The following SYT1 variants were observed in gnomAD, a reference collection of about 807,000 sequenced individuals.
SYT1 encodes synaptotagmin-1.
SYT1 carries 8 observed loss-of-function variants against 44.8 expected under a neutral mutation model. That is an observed-to-expected ratio of 0.18 (90% confidence interval 0.10 to 0.32). The LOEUF (loss-of-function observed/expected upper bound fraction) is 0.32, where lower values mean the gene tolerates loss of function less well. Ranked by LOEUF, SYT1 falls within the 10% of genes least tolerant of loss-of-function variation. The probability of loss-of-function intolerance (pLI) is 1.00; values close to 1 mark genes in which losing one functional copy is unlikely to be tolerated. For missense variants in SYT1, 286 were observed against 509.3 expected (o/e 0.56, Z 4.22); for synonymous variants, 154 against 188.8 (o/e 0.82, Z 1.51).
intron 9 of SYT1, among the ~76,000 whole-genome samples, chr12:79,433,797 T>C (rs1251804244): frequency 6.6e-6 from 1 of 152,182 alleles, no homozygotes; most frequent in Non-Finnish European, 1.5e-5. Context: ...ATGAAGAATT[T>C]CACCATAAAA....
chr12:79,248,663 A>G (rs984342030), intron 4 of SYT1, among the ~76,000 whole-genome samples: 3 of 152,220 alleles, frequency 2.0e-5, no homozygotes, highest in Non-Finnish European at 4.4e-5. Context: ...ATGAGAGTCA[A>G]GAGGAAATGG....
chr12:79,112,937 A>G (rs1249647607), intron 3 of SYT1, among the ~76,000 whole-genome samples: 2 of 152,132 alleles, frequency 1.3e-5, no homozygotes, highest in African/African-American at 4.8e-5. Flanking sequence ...CAGACAAAGG[A>G]AAGGCATATA....
intron 1 of SYT1, among the ~76,000 whole-genome samples, chr12:78,890,149 T>C (rs996069272): frequency 2.0e-5 from 3 of 151,986 alleles, no homozygotes; most frequent in African/African-American, 7.2e-5. Flanking sequence ...TTTTATTTCT[T>C]ACAATCTGTA....
At chr12:79,009,533 A>G (rs1468031839) in intron 2 of SYT1, among the ~76,000 whole-genome samples, 1 of 152,148 alleles carries the variant, frequency 6.6e-6, no homozygotes, top group Non-Finnish European at 1.5e-5. Context: ...ACCATGATAA[A>G]CACGTGTATG....
intron 3 of SYT1, among the ~76,000 whole-genome samples, chr12:79,124,189 A>G (rs978335117): frequency 6.6e-6 from 1 of 152,212 alleles, no homozygotes; most frequent in African/African-American, 2.4e-5. Flanking sequence ...TCTGCCCTAA[A>G]CATAGCCAGA....
chr12:79,184,956 C>G (rs1194644861), intron 3 of SYT1, among the ~76,000 whole-genome samples: 1 of 152,046 alleles, frequency 6.6e-6, no homozygotes, highest in Non-Finnish European at 1.5e-5. Flanking sequence ...CCCAGGATCT[C>G]TTTCCTGACA....
chr12:79,019,145 G>C (rs891413597), intron 2 of SYT1, among the ~76,000 whole-genome samples: 6 of 151,868 alleles, frequency 4.0e-5, no homozygotes, highest in African/African-American at 1.2e-4. Context: ...CTGTATCAAG[G>C]GGTCACAGAT....
At chr12:79,041,814 A>G (rs1332570050) in intron 2 of SYT1, among the ~76,000 whole-genome samples, 9 of 151,776 alleles carry the variant, frequency 5.9e-5, no homozygotes, top group Non-Finnish European at 1.2e-4. Flanking sequence ...TACCTAATTT[A>G]TTGAGAGTTT....
intron 3 of SYT1, chr12:79,103,017 C>T (rs1283484366): frequency 6.6e-6 from 1 of 152,158 alleles, no homozygotes; most frequent in Non-Finnish European, 1.5e-5. Flanking sequence ...TTTACAGATA[C>T]AGAAACTGAG....
intron 4 of SYT1, among the ~76,000 whole-genome samples, chr12:79,275,924 A>C (rs982408387): frequency 6.6e-6 from 1 of 152,210 alleles, no homozygotes; most frequent in Non-Finnish European, 1.5e-5. Flanking sequence ...AGCTACTACA[A>C]GCAGCATGTG....
chr12:78,958,454 G>A (rs936424386), intron 1 of SYT1, among the ~76,000 whole-genome samples: 10 of 152,050 alleles, frequency 6.6e-5, no homozygotes, highest in African/African-American at 2.4e-4. Context: ...CAGCACTTTG[G>A]GAGGCTGAGG....
intron 2 of SYT1, among the ~76,000 whole-genome samples, chr12:79,039,353 C>A (rs1192128128): frequency 6.6e-6 from 1 of 151,924 alleles, no homozygotes. Flanking sequence ...AAGTATCAAG[C>A]CTTGATAAGA....
chr12:79,442,290 C>T (rs1046524262), intron 9 of SYT1, among the ~76,000 whole-genome samples: 2 of 152,134 alleles, frequency 1.3e-5, no homozygotes, highest in Non-Finnish European at 2.9e-5. Flanking sequence ...GGTCTCTGAA[C>T]CAAAAATCAA....
intron 2 of SYT1, among the ~76,000 whole-genome samples, chr12:78,999,744 T>C (rs955411540): frequency 6.6e-6 from 1 of 152,122 alleles, no homozygotes; most frequent in Non-Finnish European, 1.5e-5. Context: ...AGTTAATATA[T>C]TCAATATTAG....
intron 1 of SYT1, among the ~76,000 whole-genome samples, chr12:78,894,326 ATCTG>A (rs1875223229): frequency 5.2e-5 from 1 of 19,294 alleles, no homozygotes; most frequent in Admixed American, 5.8e-4. Flanking sequence ...GTGTTTTTTA[ATCTG>A]TTTTTTTTTT....
At chr12:79,365,181 A>G (rs1203574238) in intron 9 of SYT1, among the ~76,000 whole-genome samples, 2 of 152,034 alleles carry the variant, frequency 1.3e-5, no homozygotes, top group Non-Finnish European at 2.9e-5. Context: ...AATTCTATAC[A>G]TATATATACA....
At chr12:79,223,532 C>T (rs1282903922) in intron 4 of SYT1, among the ~76,000 whole-genome samples, 1 of 152,206 alleles carries the variant, frequency 6.6e-6, no homozygotes, top group African/African-American at 2.4e-5. Flanking sequence ...CTGTGGCCAG[C>T]ATGGCACTTC....
At chr12:79,015,115 G>A (rs1198665938) in intron 2 of SYT1, among the ~76,000 whole-genome samples, 1 of 151,974 alleles carries the variant, frequency 6.6e-6, no homozygotes, top group Non-Finnish European at 1.5e-5. Flanking sequence ...AATGCTAAAT[G>A]ATGAGTTAAT....
At chr12:79,222,299 A>G (rs7300311) in intron 4 of SYT1, among the ~76,000 whole-genome samples, 106,699 of 151,662 alleles carry the variant, frequency 0.7, 37,973 homozygotes, top group African/African-American at 0.77. Context: ...TTAATTGGAG[A>G]CCTTTGATTT....
Sources: allele counts gnomAD v4.1 joint callset (sites outside exome capture counted in the v4.1 genomes callset), GRCh38; gene constraint gnomAD v4.1.1; transcripts MANE v1.5; gene names NCBI Gene and HGNC (gene_info 2026-07-23, HGNC 2026-07-21).